LRRC36: variants seen among roughly 807,000 people sequenced by gnomAD.
The protein encoded by LRRC36 is leucine-rich repeat-containing protein 36.
In LRRC36, 62 loss-of-function variants were observed where a neutral mutation model predicts 81.1. That is an observed-to-expected ratio of 0.76 (90% CI 0.62 to 0.94). The LOEUF is 0.94. Among genes scored for constraint, LRRC36 ranks in the 40% least tolerant of loss-of-function variants. The pLI is 0.00. For synonymous variants in LRRC36, 334 were observed against 348.6 expected (o/e 0.96, Z 0.47); for missense variants, 761 against 881.7 (o/e 0.86, Z 1.73).
chr16:67,333,162 C>T (rs2037580942), intron 1 of LRRC36, among the ~76,000 whole-genome samples: 1 of 152,100 alleles, frequency 6.6e-6, no homozygotes, highest in Admixed American at 6.6e-5. Flanking sequence ...AGATAAGAAT[C>T]TTGCCCTATT....
intron 1 of LRRC36, among the ~76,000 whole-genome samples, chr16:67,340,745 C>A (rs891332178): frequency 1.4e-5 from 2 of 146,792 alleles, no homozygotes; most frequent in African/African-American, 5.0e-5. Context: ...GAATATATAC[C>A]ACATATACTC....
chr16:67,376,038 G>A (rs1392904854), intron 10 of LRRC36, among the ~76,000 whole-genome samples: 1 of 152,096 alleles, frequency 6.6e-6, no homozygotes, highest in African/African-American at 2.4e-5. Context: ...GGCTGGATGC[G>A]GTGACTAACG....
intron 1 of LRRC36, among the ~76,000 whole-genome samples, chr16:67,337,431 G>A (rs943293252): frequency 1.2e-4 from 18 of 149,476 alleles, no homozygotes; most frequent in East Asian, 4.0e-4. Context: ...GCAATGGTGC[G>A]ACTGCAGCCC....
chr16:67,354,227 A>C (rs1191081155), intron 5 of LRRC36, among the ~76,000 whole-genome samples: 3 of 151,910 alleles, frequency 2.0e-5, no homozygotes, highest in African/African-American at 4.8e-5. Context: ...GCTTTACTCA[A>C]ATCCTACCCT....
At chr16:67,368,801 G>A (rs1392145933) in intron 8 of LRRC36, among the ~76,000 whole-genome samples, 1 of 152,186 alleles carries the variant, frequency 6.6e-6, no homozygotes, top group Non-Finnish European at 1.5e-5. Flanking sequence ...GATAGCGGTG[G>A]AGGTGGTGAG....
intron 5 of LRRC36, 103 bp downstream of exon 5, chr16:67,350,393 A>G: frequency 1.1e-6 from 1 of 938,172 alleles, no homozygotes; most frequent in Non-Finnish European, 1.7e-6. Context: ...AGAAAGAACC[A>G]ATTTGAAGCA....
At chr16:67,350,894 C>T (rs979350311) in intron 5 of LRRC36, among the ~76,000 whole-genome samples, 2 of 152,058 alleles carry the variant, frequency 1.3e-5, no homozygotes, top group African/African-American at 2.4e-5. Context: ...CAAAATTAGC[C>T]GGGCTTGGTG....
intron 1 of LRRC36, among the ~76,000 whole-genome samples, chr16:67,330,557 A>G (rs888977521): frequency 3.3e-5 from 5 of 152,082 alleles, no homozygotes; most frequent in African/African-American, 1.2e-4. Flanking sequence ...TTATAAACTC[A>G]TCGATTTAAA....
At chr16:67,354,125 A>G (rs2038786088) in intron 5 of LRRC36, among the ~76,000 whole-genome samples, 1 of 152,038 alleles carries the variant, frequency 6.6e-6, no homozygotes. Context: ...TACAATGTCC[A>G]ATACTCAATC....
chr16:67,347,489 C>T lies in LRRC36; in HGVS notation c.392-6C>T, dbSNP rs1484118759. On this transcript the variant is annotated splice_polypyrimidine_tract_variant and splice_region_variant and intron_variant, in intron 3 of 13. Transcript: ENST00000329956. ...AACATGCTCAGACCACGGTTTTTGCCTCCAGATGACCGAACTGTACGTGAA... is the reference window on the plus strand; with the variant it reads ...AACATGCTCAGACCACGGTTTTTGCTTCCAGATGACCGAACTGTACGTGAA... 2 of 1,612,840 alleles carry T rather than the reference C, an allele frequency of 1.2e-6. No individual in the cohort carries two copies. The highest frequency in any genetic ancestry group is 2.2e-5 in the South Asian group (2 of 91,028).
At chr16:67,338,939 G>A (rs997295949) in intron 1 of LRRC36, among the ~76,000 whole-genome samples, 1 of 127,034 alleles carries the variant, frequency 7.9e-6, no homozygotes, top group Non-Finnish European at 1.6e-5. Context: ...CTGTTGCCCA[G>A]GCTGGAGTGC....
chr16:67,382,206 A>G lies in LRRC36; in HGVS notation c.2004A>G (p.Lys668=), dbSNP rs1482149434. 1.9e-6 allele frequency: 3 copies of G among 1,614,226 alleles called. No individual in the cohort carries two copies. Among genetic ancestry groups the G allele is most frequent in the Middle Eastern group, 1.6e-4 (1 of 6,062 alleles). Reference sequence around the variant, plus strand: ...TGAACCAGGAGCTTGCCCAGCTGAAAAAGCTGGAGAAGACAGTTGCCATTC... The same window carrying G: ...TGAACCAGGAGCTTGCCCAGCTGAAGAAGCTGGAGAAGACAGTTGCCATTC... The part of the protein sequence containing the change: ...ACLNQELAQL[K]KLEKTVAILH... Residue 668 remains lysine, a synonymous_variant, in exon 13 of 14, where the codon AAA becomes AAG. Coordinates refer to ENST00000329956, the MANE Select transcript of LRRC36 (RefSeq NM_018296.6).
At chr16:67,329,070 C>T (rs1225182923) in intron 1 of LRRC36, among the ~76,000 whole-genome samples, 9 of 151,864 alleles carry the variant, frequency 5.9e-5, no homozygotes, top group South Asian at 4.2e-4. Context: ...CCACCACGCC[C>T]GGCTAATTTT....
Position 67,371,228 on chromosome 16 carries a change from G to T in LRRC36, c.1480G>T (p.Ala494Ser). The T allele has an allele frequency of 6.2e-7, 1 of 1,614,208 alleles. No individual in the cohort carries two copies. The highest frequency in any genetic ancestry group is 2.2e-5 in the East Asian group (1 of 44,884). Reference protein sequence around the residue: ...NLNLKHGFQDATGSEPLSSDL... With the variant: ...NLNLKHGFQDSTGSEPLSSDL... ...GAATCTAAAGCATGGTTTCCAAGAT[G>T]CTACAGGCAGCGAGGCAAGTGTTGG... The change falls in exon 9 of 14, where the codon GCT becomes TCT. Residue 494 changes from alanine to serine, a missense_variant. Ala to Ser is a moderately conservative substitution (Grantham distance 99). Coordinates refer to ENST00000329956, the MANE Select transcript of LRRC36 (RefSeq NM_018296.6).
Position 67,371,054 on chromosome 16 carries a change from A to G in LRRC36, c.1306A>G (p.Asn436Asp). 1 of 1,614,134 alleles carries G rather than the reference A, an allele frequency of 6.2e-7. No individual in the cohort carries two copies. The highest frequency in any genetic ancestry group is 8.5e-7 in the Non-Finnish European group (1 of 1,180,008). ...DLTPAHGSVP[N>D]NAVLGNRTTP... ...AACACCAGCACATGGTTCTGTCCCA[A>G]ACAACGCTGTCCTGGGAAACAGGAC... The change falls in exon 9 of 14, where the codon AAC becomes GAC. Residue 436 changes from asparagine to aspartate, a missense_variant. Asn to Asp is a conservative substitution (Grantham distance 23). Transcript: ENST00000329956.
chr16:67,326,858 C>T lies in LRRC36; in HGVS notation c.-5C>T. The T allele has an allele frequency of 7.0e-7, 1 of 1,426,654 alleles. No individual in the cohort carries two copies. The highest frequency in any genetic ancestry group is 3.0e-5 in the East Asian group (1 of 33,004). 88.4% of individuals were successfully genotyped at this position (1,426,654 alleles called of 1,614,324 possible). On this transcript the variant is annotated 5_prime_UTR_variant, in exon 1 of 14. Transcript: ENST00000329956. ...CGGGCGGTGGCAGGTGAGCGGCGGGCGGGGATGGCGGAGCAATGGGAGCTG... is the reference window on the plus strand; with the variant it reads ...CGGGCGGTGGCAGGTGAGCGGCGGGTGGGGATGGCGGAGCAATGGGAGCTG...
chr16:67,382,275 C>A, intron 13 of LRRC36, 28 bp downstream of exon 13: 1 of 1,515,620 alleles, frequency 6.6e-7, no homozygotes, highest in East Asian at 2.3e-5. Flanking sequence ...TAGCTTGCTT[C>A]TAGAAGCAGA....
chr16:67,346,482 A>G, intron 3 of LRRC36, 34 bp downstream of exon 3: 1 of 1,432,144 alleles, frequency 7.0e-7, no homozygotes, highest in African/African-American at 1.4e-5. Flanking sequence ...TGTCCACAGA[A>G]TCTTACTTTA....
intron 1 of LRRC36, among the ~76,000 whole-genome samples, chr16:67,336,256 G>C (rs952568534): frequency 6.6e-6 from 1 of 152,288 alleles, no homozygotes; most frequent in Non-Finnish European, 1.5e-5. Flanking sequence ...GGACATCTTG[G>C]TTGCTCCCAA....
Sources: allele counts gnomAD v4.1 joint callset (sites outside exome capture counted in the v4.1 genomes callset), GRCh38; gene constraint gnomAD v4.1.1; transcripts MANE v1.5; gene names NCBI Gene and HGNC (gene_info 2026-07-23, HGNC 2026-07-21).